FBN1: variants seen among roughly 807,000 people sequenced by gnomAD.
FBN1 encodes fibrillin 1.
FBN1 carries 29 observed loss-of-function variants against 365.1 expected under a neutral mutation model. That is an observed-to-expected ratio of 0.08 (90% CI 0.06 to 0.11). The LOEUF (loss-of-function observed/expected upper bound fraction) is 0.11, where lower values mean the gene tolerates loss of function less well. Ranked by LOEUF, FBN1 falls within the 10% of genes least tolerant of loss-of-function variation. FBN1 has a pLI of 1.00. For missense variants in FBN1, 2,476 were observed against 3,703.2 expected (o/e 0.67, Z 8.60); for synonymous variants, 1,210 against 1,270.5 (o/e 0.95, Z 1.01).
At chr15:48,559,404 C>A (rs576255856) in intron 6 of FBN1, among the ~76,000 whole-genome samples, 1 of 152,150 alleles carries the variant, frequency 6.6e-6, no homozygotes, top group African/African-American at 2.4e-5. Flanking sequence ...TGGATTCCCC[C>A]AGACTGAAAC....
rs560028468 is a variant in FBN1, at chr15:48,412,369, A to T, written c.8226+200T>A. On this transcript the variant is annotated intron_variant, in intron 65 of 65. Transcript: ENST00000316623. ...TGAGCAAGTATGTGAAAACCTTCAA[A>T]TGGCCACTCCCGAAAAGCAGCAAGA... is the stretch of plus-strand genomic sequence containing the variant. Among the ~76,000 whole-genome samples the T allele has an allele frequency of 9.2e-5, 14 of 152,276 alleles. No individual in the cohort carries two copies. The South Asian group carries it at 2.9e-3, about 32-fold the overall frequency.
Position 48,583,471 on chromosome 15 carries a change from T to C in FBN1, c.538+12812A>G, listed in dbSNP as rs181621361. Among the ~76,000 whole-genome samples the C allele has an allele frequency of 2.9e-3, 449 of 152,358 alleles. 3 individuals carry two copies. Among genetic ancestry groups the C allele is most frequent in the African/African-American group, 0.01 (434 of 41,582 alleles). On this transcript the variant is annotated intron_variant, in intron 6 of 65. Coordinates refer to ENST00000316623, the MANE Select transcript of FBN1 (RefSeq NM_000138.5). ...ATCCAACCTGACCAGGCCGTATTTG[T>C]AGACTTAAGGTCTTACAGCCACCTG... is the stretch of plus-strand genomic sequence containing the variant.
intron 6 of FBN1, among the ~76,000 whole-genome samples, chr15:48,590,561 C>T (rs2044469363): frequency 6.6e-6 from 1 of 152,198 alleles, no homozygotes; most frequent in East Asian, 1.9e-4. Flanking sequence ...GGACAAGTTT[C>T]TCAAACGTCA....
chr15:48,478,035 C>T (rs1169698660), intron 32 of FBN1, among the ~76,000 whole-genome samples: 2 of 152,202 alleles, frequency 1.3e-5, no homozygotes, highest in Non-Finnish European at 2.9e-5. Context: ...GCTGTATCAC[C>T]CACACAAACA....
intron 2 of FBN1, among the ~76,000 whole-genome samples, chr15:48,640,033 T>C (rs577111073): frequency 7.9e-5 from 12 of 152,314 alleles, no homozygotes; most frequent in Admixed American, 6.5e-4. Context: ...CTATAATTTT[T>C]AAAGTATATG....
At chr15:48,614,561 C>G (rs1487359238) in intron 2 of FBN1, among the ~76,000 whole-genome samples, 1 of 152,162 alleles carries the variant, frequency 6.6e-6, no homozygotes, top group Non-Finnish European at 1.5e-5. Context: ...ATGCTTCACA[C>G]TGACAGATGC....
At chr15:48,623,309 T>G (rs1197168390) in intron 2 of FBN1, among the ~76,000 whole-genome samples, 1 of 152,242 alleles carries the variant, frequency 6.6e-6, no homozygotes, top group African/African-American at 2.4e-5. Flanking sequence ...AAGAAGACTA[T>G]TTAACACGTC....
chr15:48,638,916 C>T (rs975981406), intron 2 of FBN1, among the ~76,000 whole-genome samples: 1 of 152,210 alleles, frequency 6.6e-6, no homozygotes, highest in African/African-American at 2.4e-5. Flanking sequence ...TTACCTACCA[C>T]CCTCACACAA....
chr15:48,580,954 G>T (rs971101628), intron 6 of FBN1, among the ~76,000 whole-genome samples: 1 of 152,266 alleles, frequency 6.6e-6, no homozygotes, highest in South Asian at 2.1e-4. Flanking sequence ...GGGCAGACAA[G>T]AGCCAAACAC....
At chr15:48,622,556 T>G (rs886638841) in intron 2 of FBN1, among the ~76,000 whole-genome samples, 5 of 152,346 alleles carry the variant, frequency 3.3e-5, no homozygotes, top group Admixed American at 6.5e-5. Context: ...TCTTTTTTCC[T>G]GGCTTCCTAG....
intron 55 of FBN1, among the ~76,000 whole-genome samples, chr15:48,431,661 T>C (rs965357321): frequency 1.3e-5 from 2 of 151,938 alleles, no homozygotes; most frequent in Non-Finnish European, 2.9e-5. Flanking sequence ...AATATGATAT[T>C]ATTATTTTTT....
intron 43 of FBN1, among the ~76,000 whole-genome samples, chr15:48,458,517 CAAA>C (rs1032940153): frequency 6.6e-6 from 1 of 151,986 alleles, no homozygotes; most frequent in African/African-American, 2.4e-5. Flanking sequence ...CATAAGTAAA[CAAA>C]AAACAAATTC....
At chr15:48,529,828 T>C (rs1381561227) in intron 8 of FBN1, 1 of 155,258 alleles carries the variant, frequency 6.4e-6, no homozygotes, top group Non-Finnish European at 1.4e-5. Flanking sequence ...TCACATCACG[T>C]ACGCCAGCTT....
chr15:48,513,857 GTAT>G (rs1188517817), intron 12 of FBN1, among the ~76,000 whole-genome samples, 189 bp from the exon 13 acceptor site: 1 of 152,140 alleles, frequency 6.6e-6, no homozygotes, highest in African/African-American at 2.4e-5. Flanking sequence ...CAGTTAAAGT[GTAT>G]TATTTTCATG....
intron 44 of FBN1, among the ~76,000 whole-genome samples, chr15:48,454,222 C>G (rs950534437): frequency 6.6e-6 from 1 of 152,188 alleles, no homozygotes; most frequent in African/African-American, 2.4e-5. Context: ...CCAGCTGATG[C>G]AGGTGCTCCT....
At chr15:48,456,810 C>T (rs1335547718) in intron 43 of FBN1, 48 bp from the exon 44 acceptor site, 1 of 1,580,280 alleles carries the variant, frequency 6.3e-7, no homozygotes, top group Non-Finnish European at 8.6e-7. Context: ...CACATGATCC[C>T]TGTGCAGGGT....
At chr15:48,489,247 C>T (rs1288346566) in intron 25 of FBN1, among the ~76,000 whole-genome samples, 1 of 139,104 alleles carries the variant, frequency 7.2e-6, no homozygotes, top group Non-Finnish European at 1.5e-5. Flanking sequence ...CAGGGTTTCA[C>T]CATGTTGCCC....
At chr15:48,580,096 A>C (rs1408518297) in intron 6 of FBN1, among the ~76,000 whole-genome samples, 1 of 151,886 alleles carries the variant, frequency 6.6e-6, no homozygotes, top group East Asian at 1.9e-4. Context: ...CCAGCCTCTT[A>C]GTTTCATTTT....
chr15:48,634,091 A>T (rs1890044626), intron 2 of FBN1, among the ~76,000 whole-genome samples: 1 of 152,250 alleles, frequency 6.6e-6, no homozygotes, highest in African/African-American at 2.4e-5. Flanking sequence ...TTTAAAAATA[A>T]GAAGGTCCTT....
Sources: gnomAD v4.1 joint callset for allele counts (sites outside exome capture counted in the v4.1 genomes callset) on GRCh38, gnomAD v4.1.1 for gene constraint, MANE v1.5 for transcripts, NCBI Gene and HGNC (gene_info 2026-07-23, HGNC 2026-07-21) for gene names.